Variants in BBX observed in about 807,000 individuals in gnomAD.
The protein encoded by BBX is BBX high mobility group box domain containing, also known as HMG box transcription factor BBX.
In BBX, 30 loss-of-function variants were observed where a neutral mutation model predicts 100.2. That is an observed-to-expected ratio of 0.30 (90% CI 0.22 to 0.41). The LOEUF is 0.41. Ranked by LOEUF, BBX falls within the 10% of genes least tolerant of loss-of-function variation. The pLI, the probability that BBX is intolerant of heterozygous loss-of-function variation, is 1.00. For synonymous variants in BBX, 376 were observed against 388.1 expected, an observed-to-expected ratio of 0.97 and a Z score of 0.37; for missense variants, 1,023 against 1,129.8, an observed-to-expected ratio of 0.91 and a Z score of 1.35.
At chr3:107,743,664 G>T (rs1165181634) in intron 7 of BBX, among the ~76,000 whole-genome samples, 3 of 152,160 alleles carry the variant, frequency 2.0e-5, no homozygotes, top group African/African-American at 2.4e-5. Context: ...CATAATCTGG[G>T]TAACTAGTAG....
At chr3:107,657,687 G>A (rs1035204533) in intron 3 of BBX, among the ~76,000 whole-genome samples, 1 of 152,066 alleles carries the variant, frequency 6.6e-6, no homozygotes, top group African/African-American at 2.4e-5. Flanking sequence ...TTGTGGGAGG[G>A]GGAGGTGAAG....
In BBX at chr3:107,647,374, G is replaced by A. The variant is rs570198715; in HGVS notation, c.-10+1465G>A. The stretch of plus-strand genomic sequence containing the variant: ...TCAGAAAAACTAAGTAATGAACCAA[G>A]ATTACCATGGCAGACTTCACTAAGT... On this transcript the variant is annotated intron_variant, in intron 3 of 17. Coordinates refer to ENST00000325805, the MANE Select transcript of BBX (RefSeq NM_001142568.3). 4.6e-5 allele frequency among the ~76,000 whole-genome samples: 7 copies of A among 152,138 alleles called. 1 individual carries two copies. The highest frequency in any genetic ancestry group is 2.1e-4 in the South Asian group (1 of 4,832).
At chr3:107,538,085 A>G (rs1172595189) in intron 2 of BBX, among the ~76,000 whole-genome samples, 1 of 152,216 alleles carries the variant, frequency 6.6e-6, no homozygotes, top group Non-Finnish European at 1.5e-5. Context: ...ACCAGTCTTC[A>G]TGGTAATAAG....
intron 3 of BBX, among the ~76,000 whole-genome samples, chr3:107,663,765 C>G (rs1350015598): frequency 6.7e-6 from 1 of 150,248 alleles, no homozygotes; most frequent in Non-Finnish European, 1.5e-5. Context: ...TATTTACTTT[C>G]TTTTAATGGC....
At chr3:107,795,696 A>G (rs771403882) in intron 15 of BBX, among the ~76,000 whole-genome samples, 3 of 127,374 alleles carry the variant, frequency 2.4e-5, no homozygotes, top group African/African-American at 3.1e-5. Context: ...CAATATACTG[A>G]CCCTTGGGAC....
intron 2 of BBX, among the ~76,000 whole-genome samples, chr3:107,637,946 G>C (rs1239441609): frequency 2.0e-5 from 3 of 151,428 alleles, no homozygotes; most frequent in African/African-American, 4.9e-5. Flanking sequence ...ACAGGGTCTT[G>C]CTCTGTTACC....
At chr3:107,699,876 A>G (rs2060916097) in intron 3 of BBX, among the ~76,000 whole-genome samples, 1 of 151,996 alleles carries the variant, frequency 6.6e-6, no homozygotes, top group Non-Finnish European at 1.5e-5. Flanking sequence ...TAGAGAAGCC[A>G]GAGGTGATAG....
chr3:107,672,153 T>C (rs1368770777), intron 3 of BBX, among the ~76,000 whole-genome samples: 1 of 152,054 alleles, frequency 6.6e-6, no homozygotes, highest in African/African-American at 2.4e-5. Context: ...TTAGAGCAGA[T>C]GTATTAGAGT....
intron 3 of BBX, among the ~76,000 whole-genome samples, chr3:107,648,776 A>G (rs1293522853): frequency 6.6e-6 from 1 of 152,224 alleles, no homozygotes; most frequent in Non-Finnish European, 1.5e-5. Context: ...TCCTCAGCCA[A>G]TAGTGGTTTT....
At chr3:107,702,734 G>C (rs1474735086) in intron 3 of BBX, among the ~76,000 whole-genome samples, 1 of 152,214 alleles carries the variant, frequency 6.6e-6, no homozygotes, top group Non-Finnish European at 1.5e-5. Flanking sequence ...CAGCCATTAA[G>C]TGTTGCAGTG....
At position 107,811,184 on chromosome 3, in the gene BBX, A is replaced by G. The variant is rs2071269412; in HGVS notation, c.*5727A>G. 1 of 152,240 alleles carries G rather than the reference A, an allele frequency of 6.6e-6. No homozygotes were observed. Among genetic ancestry groups the G allele is most frequent in the Non-Finnish European group, 1.5e-5 (1 of 68,036 alleles). The allele number at this position is 152,240 out of a possible 1,614,324, so 9.4% of individuals were successfully genotyped here. On this transcript the variant is annotated 3_prime_UTR_variant, in exon 18 of 18. Transcript: ENST00000325805. ...TAAAACTGAATAAAAATATTTAATAAAACTTTGAAATATTTTAAAGATATT... is the reference window on the plus strand; with the variant it reads ...TAAAACTGAATAAAAATATTTAATAGAACTTTGAAATATTTTAAAGATATT...
chr3:107,698,173 G>A (rs921729901), intron 3 of BBX, among the ~76,000 whole-genome samples: 3 of 151,788 alleles, frequency 2.0e-5, no homozygotes, highest in Admixed American at 6.5e-5. Flanking sequence ...CGCTCACACT[G>A]GGAGCTGTAG....
intron 2 of BBX, among the ~76,000 whole-genome samples, chr3:107,575,245 C>T (rs1460241004): frequency 6.6e-6 from 1 of 152,180 alleles, no homozygotes; most frequent in African/African-American, 2.4e-5. Flanking sequence ...CCTCTCTCTA[C>T]CTTCACCAAC....
At chr3:107,564,267 A>G (rs1353467677) in intron 2 of BBX, among the ~76,000 whole-genome samples, 1 of 152,082 alleles carries the variant, frequency 6.6e-6, no homozygotes, top group Non-Finnish European at 1.5e-5. Context: ...TGAGCTTTAC[A>G]TATATAGTCT....
rs191512346 is a variant in BBX at position 107,807,486 on chromosome 3, C to A, written c.*2029C>A. 1 of 151,982 alleles carries A rather than the reference C, an allele frequency of 6.6e-6. No individual in the cohort carries two copies. Among genetic ancestry groups the A allele is most frequent in the Non-Finnish European group, 1.5e-5 (1 of 68,004 alleles). The allele number at this position is 151,982 out of a possible 1,614,324, so 9.4% of individuals were successfully genotyped here. ...GTGGCTGTTGGAGTTTTGGACCACT[C>A]GCTAGCAGTGATTTGAAGATTATAA... On this transcript the variant is annotated 3_prime_UTR_variant, in exon 18 of 18. Transcript: ENST00000325805.
intron 2 of BBX, among the ~76,000 whole-genome samples, chr3:107,541,802 GT>G (rs1282219437): frequency 6.6e-6 from 1 of 151,706 alleles, no homozygotes; most frequent in Non-Finnish European, 1.5e-5. Flanking sequence ...TTTTAAAGAA[GT>G]ATAAGCAAAT....
intron 3 of BBX, among the ~76,000 whole-genome samples, chr3:107,668,947 G>A (rs1325551230): frequency 2.0e-5 from 3 of 152,110 alleles, no homozygotes; most frequent in African/African-American, 7.2e-5. Flanking sequence ...CAACTTCAAA[G>A]ACAAATAAGG....
chr3:107,559,521 A>G (rs2050326469), intron 2 of BBX, among the ~76,000 whole-genome samples: 1 of 152,192 alleles, frequency 6.6e-6, no homozygotes, highest in Non-Finnish European at 1.5e-5. Flanking sequence ...AGGAGTGTGT[A>G]GAGAAATTGC....
At chr3:107,590,416 A>T (rs903993102) in intron 2 of BBX, among the ~76,000 whole-genome samples, 1 of 152,212 alleles carries the variant, frequency 6.6e-6, no homozygotes, top group Non-Finnish European at 1.5e-5. Context: ...GTATTTTGAA[A>T]TACACAGTAA....
Sources: allele counts gnomAD v4.1 joint callset (sites outside exome capture counted in the v4.1 genomes callset), GRCh38; gene constraint gnomAD v4.1.1; transcripts MANE v1.5; gene names NCBI Gene and HGNC (gene_info 2026-07-23, HGNC 2026-07-21).